CFAP54: variants seen among roughly 807,000 people sequenced by gnomAD.
CFAP54 encodes the protein cilia and flagella associated protein 54.
CFAP54 carries 290 observed loss-of-function variants against 370.4 expected under a neutral mutation model. The observed-to-expected ratio is 0.78, with a 90% confidence interval of 0.71 to 0.86. The LOEUF (loss-of-function observed/expected upper bound fraction) is 0.86, where lower values mean the gene tolerates loss of function less well. Among genes scored for constraint, CFAP54 ranks in the 40% least tolerant of loss-of-function variants. CFAP54 has a pLI of 0.00. For missense variants in CFAP54, 3,399 were observed against 3,528.7 expected (o/e 0.96, Z 0.93); for synonymous variants, 1,206 against 1,236.5 (o/e 0.98, Z 0.52).
chr12:96,635,651 G>A (rs563781954), intron 32 of CFAP54, among the ~76,000 whole-genome samples: 3 of 152,250 alleles, frequency 2.0e-5, no homozygotes, highest in South Asian at 4.1e-4. Flanking sequence ...CCACTTCAGA[G>A]GCCACTCACA....
rs142929744 is a variant in CFAP54 at position 96,831,064 on chromosome 12, G to A, written c.9171+1976G>A. Among the ~76,000 whole-genome samples the A allele has an allele frequency of 3.2e-4, 49 of 152,284 alleles. No homozygotes were observed. The East Asian group carries it at 6.8e-3, about 21-fold the overall frequency. On this transcript the variant is annotated intron_variant, in intron 66 of 67. Transcript: ENST00000524981. ...TATCATTATTGTATTTTTATTGTTA[G>A]TAAGGCTAAGTATAGTTCTTGTGTT... is the stretch of plus-strand genomic sequence containing the variant.
chr12:96,618,495 G>A (rs1956447820), intron 26 of CFAP54, among the ~76,000 whole-genome samples: 1 of 152,150 alleles, frequency 6.6e-6, no homozygotes, highest in African/African-American at 2.4e-5. Flanking sequence ...GTGATGATAG[G>A]TTTGTGGATG....
intron 66 of CFAP54, among the ~76,000 whole-genome samples, chr12:96,834,752 C>T (rs567218470): frequency 2.4e-4 from 36 of 152,284 alleles, no homozygotes; most frequent in African/African-American, 7.2e-4. Flanking sequence ...TGCAACATGG[C>T]GAGCAAAGGT....
chr12:96,729,482 C>G (rs575147187), intron 50 of CFAP54, among the ~76,000 whole-genome samples: 32 of 152,348 alleles, frequency 2.1e-4, no homozygotes, highest in Non-Finnish European at 4.1e-4. Flanking sequence ...GCGTAGGACC[C>G]TCCGAGCCAG....
intron 4 of CFAP54, 29 bp from the exon 5 acceptor site, chr12:96,512,957 A>G: frequency 7.0e-7 from 1 of 1,421,786 alleles, no homozygotes; most frequent in African/African-American, 1.4e-5. Context: ...TGACTGTAAA[A>G]CATGTTAACA....
At position 96,704,477 on chromosome 12, in the gene CFAP54, TATATATA is replaced by T. The variant is rs1957526565; in HGVS notation, c.6475-265_6475-259del. Among the ~76,000 whole-genome samples the T allele has an allele frequency of 2.8e-5, 3 of 108,508 alleles. 1 individual carries two copies. The highest frequency in any genetic ancestry group is 1.3e-4 in the African/African-American group (3 of 22,536). 71.2% of individuals were successfully genotyped at this position (108,508 alleles called of 152,430 possible). ...GTATATATATATATATATATATATATATATATATATATATATATATATATTTAAAATA... is the reference window on the plus strand; with the variant it reads ...GTATATATATATATATATATATATATTATATATATATATATATTTAAAATA... On this transcript the variant is annotated intron_variant, in intron 46 of 67. Coordinates refer to ENST00000524981, the MANE Select transcript of CFAP54 (RefSeq NM_001306084.2).
intron 38 of CFAP54, among the ~76,000 whole-genome samples, chr12:96,659,041 CAG>C (rs1956958408): frequency 1.3e-5 from 2 of 151,552 alleles, no homozygotes; most frequent in Non-Finnish European, 2.9e-5. Flanking sequence ...TTTTTTGAAA[CAG>C]AGTTTCACTC....
intron 8 of CFAP54, among the ~76,000 whole-genome samples, chr12:96,522,907 A>G (rs1468309602): frequency 6.6e-6 from 1 of 152,168 alleles, no homozygotes; most frequent in African/African-American, 2.4e-5. Context: ...GCCCCTCCCA[A>G]CCACAAGCCT....
At chr12:96,623,914 G>A (rs1484293597) in intron 28 of CFAP54, 33 bp downstream of exon 28, 20 of 1,346,724 alleles carry the variant, frequency 1.5e-5, no homozygotes, top group Non-Finnish European at 2.0e-5. Flanking sequence ...CTTCCATTTA[G>A]CATTAAGTTT....
In CFAP54 at chr12:96,553,530, A is replaced by T. The variant is rs576947992; in HGVS notation, c.2155-652A>T. The stretch of plus-strand genomic sequence containing the variant: ...TATATGTATAGTAATATATATAGTT[A>T]TATATATATATAGTAATATATGTAT... On this transcript the variant is annotated intron_variant, in intron 15 of 67. Coordinates refer to ENST00000524981, the MANE Select transcript of CFAP54 (RefSeq NM_001306084.2). 7.9e-4 allele frequency among the ~76,000 whole-genome samples: 108 copies of T among 135,990 alleles called. 1 individual carries two copies. In the South Asian group the frequency reaches 0.014, roughly 17 times the overall value. The allele number at this position is 135,990 out of a possible 152,430, so 89.2% of individuals were successfully genotyped here.
chr12:96,507,518 A>AAC (rs979958156), intron 4 of CFAP54, among the ~76,000 whole-genome samples: 21 of 116,182 alleles, frequency 1.8e-4, no homozygotes, highest in Admixed American at 7.8e-4. Context: ...ACTGCTGAGG[A>AAC]ACACACACAC....
intron 34 of CFAP54, among the ~76,000 whole-genome samples, chr12:96,648,543 G>T (rs1196050103): frequency 6.6e-6 from 1 of 151,252 alleles, no homozygotes; most frequent in East Asian, 1.9e-4. Context: ...GGTGACAGGG[G>T]GCTCCAAAAG....
intron 65 of CFAP54, 103 bp from the exon 66 acceptor site, chr12:96,828,911 T>A (rs1402275847): frequency 1.6e-5 from 9 of 575,770 alleles, no homozygotes; most frequent in Admixed American, 8.9e-5. Context: ...AAAGGTTAGG[T>A]AATGATCAAG....
At chr12:96,621,875 G>GTTTGTTTGTTTTTTTTTTT (rs1956496257) in intron 27 of CFAP54, among the ~76,000 whole-genome samples, 154 bp downstream of exon 27, 1 of 50,034 alleles carries the variant, frequency 2.0e-5, no homozygotes, top group Non-Finnish European at 3.3e-5. Context: ...TTTTGGGTTT[G>GTTTGTTTGTTTTTTTTTTT]TTTTTTTTTT....
At chr12:96,540,148 G>T (rs983451111) in intron 13 of CFAP54, 5 of 152,072 alleles carry the variant, frequency 3.3e-5, no homozygotes, top group African/African-American at 7.2e-5. Context: ...TTTTGCCCAG[G>T]CTGGAGTGCA....
intron 29 of CFAP54, among the ~76,000 whole-genome samples, chr12:96,626,365 G>A (rs1956549105): frequency 6.7e-6 from 1 of 149,218 alleles, no homozygotes; most frequent in Non-Finnish European, 1.5e-5. Context: ...CAGCCTGGGC[G>A]ACAGAGTGAG....
chr12:96,795,536 A>G lies in CFAP54; in HGVS notation c.8850+3037A>G, dbSNP rs570155866. 9.8e-4 allele frequency among the ~76,000 whole-genome samples: 149 copies of G among 152,098 alleles called. 2 individuals are homozygous for G. The highest frequency in any genetic ancestry group is 1.4e-3 in the Admixed American group (21 of 15,272). ...GGGAGATTATGGCTGCCTCTGCTGC[A>G]TCATACAGGTTGCCAGGGAAGTGGA... On this transcript the variant is annotated intron_variant, in intron 63 of 67. Transcript: ENST00000524981.
chr12:96,797,051 T>C (rs1958770879), intron 63 of CFAP54, among the ~76,000 whole-genome samples: 1 of 152,172 alleles, frequency 6.6e-6, no homozygotes, highest in South Asian at 2.1e-4. Context: ...CAGTTAAAAA[T>C]AGTTTTGTAA....
At chr12:96,497,819 C>G (rs893552002) in intron 1 of CFAP54, among the ~76,000 whole-genome samples, 9 of 152,294 alleles carry the variant, frequency 5.9e-5, no homozygotes, top group Admixed American at 3.9e-4. Context: ...TGCATGTAGA[C>G]CTAACTTAGC....
Sources: gnomAD v4.1 joint callset for allele counts (sites outside exome capture counted in the v4.1 genomes callset) on GRCh38, gnomAD v4.1.1 for gene constraint, MANE v1.5 for transcripts, NCBI Gene and HGNC (gene_info 2026-07-23, HGNC 2026-07-21) for gene names.